Variants in FAM174C observed in about 807,000 individuals in gnomAD.
FAM174C encodes the protein family with sequence similarity 174 member C, also known as protein FAM174C.
FAM174C carries 19 observed loss-of-function variants against 12.3 expected under a neutral mutation model. The ratio of observed to expected loss-of-function variants is 1.55; its 90% CI spans 1.08 to 2.27. The LOEUF (loss-of-function observed/expected upper bound fraction) is 2.27. FAM174C is among the 30% of genes most tolerant of loss of function. The probability of loss-of-function intolerance (pLI) is 0.00; values close to 1 mark genes in which losing one functional copy is unlikely to be tolerated. For synonymous variants in FAM174C, 147 were observed against 103.5 expected (o/e 1.42, Z -2.55); for missense variants, 239 against 190.2 (o/e 1.26, Z -1.51).
intron 2 of FAM174C, 84 bp from the exon 3 acceptor site, chr19:1,278,693 G>C: frequency 6.3e-7 from 1 of 1,580,332 alleles, no homozygotes; most frequent in Non-Finnish European, 8.6e-7. Context: ...CAGGCTGCCT[G>C]CCCCTGCCTG....
In FAM174C at chr19:1,277,554, TC is replaced by T. The variant is rs997622530; in HGVS notation, c.398+257del. ...GGCGCGATCCCAACTCACTGCAACC[TC>T]CGCCTCCGGGATTGAGGCGATTTTC... On this transcript the variant is annotated intron_variant, in intron 2 of 2. Transcript: ENST00000409293. Among the ~76,000 whole-genome samples, 11 of 152,202 alleles carry T rather than the reference TC, an allele frequency of 7.2e-5. No individual in the cohort carries two copies. In the East Asian group the frequency reaches 1.9e-3, roughly 27 times the overall value.
rs370611692 is a variant in FAM174C at position 1,275,917 on chromosome 19, C to CCCCTCCCTCCCT, written c.281+101_281+112dup. The CCCCTCCCTCCCT allele has an allele frequency of 2.0e-3, 2,239 of 1,142,652 alleles. 33 individuals carry two copies. In the African/African-American group the frequency reaches 0.033, roughly 17 times the overall value. 70.8% of individuals were successfully genotyped at this position (1,142,652 alleles called of 1,614,324 possible). A position where few individuals can be genotyped will look rare whatever the true frequency, so the allele number is the denominator to read the frequency against. The stretch of plus-strand genomic sequence containing the variant: ...GTCACGTGCCGGGCCGCGGGGTCCT[C>CCCCTCCCTCCCT]CCCTCCCTCCCTCCCTCCCTCCCTC... On this transcript the variant is annotated intron_variant, in intron 1 of 2. Transcript: ENST00000409293.
At chr19:1,278,726 C>T in intron 2 of FAM174C, 51 bp from the exon 3 acceptor site, 2 of 1,607,298 alleles carry the variant, frequency 1.2e-6, no homozygotes, top group Non-Finnish European at 1.7e-6. Flanking sequence ...CTCTGCCCGG[C>T]AGGGCGGGCC....
rs1396988797 is a variant in FAM174C, at chr19:1,277,180, C to T, written c.282-3C>T. 3.3e-6 allele frequency: 5 copies of T among 1,536,622 alleles called. No individual in the cohort carries two copies. The highest frequency in any genetic ancestry group is 2.5e-5 in the East Asian group (1 of 40,458). On this transcript the variant is annotated splice_polypyrimidine_tract_variant and splice_region_variant and intron_variant, in intron 1 of 2. Transcript: ENST00000409293. Reference sequence around the variant, plus strand: ...CACTGACTATGCCTGGACCTACTTCCAGGTTGAAGAAGCCTCAGCGGAGGC... The same window carrying T: ...CACTGACTATGCCTGGACCTACTTCTAGGTTGAAGAAGCCTCAGCGGAGGC...
At chr19:1,277,364 C>G in intron 2 of FAM174C, 65 bp downstream of exon 2, 2 of 1,510,688 alleles carry the variant, frequency 1.3e-6, no homozygotes, top group Non-Finnish European at 1.8e-6. Flanking sequence ...CAGCAGGACC[C>G]TGGGGACTTG....
rs774861186 is a variant in FAM174C, at chr19:1,278,799, C to T, written c.*22C>T. On this transcript the variant is annotated 3_prime_UTR_variant, in exon 3 of 3. Transcript: ENST00000409293. ...CAGATGCTGAGCCAGGGAGGCGGCC[C>T]TTCCAGCAGCCATGAGGGAAGGACA... 1.6e-5 allele frequency: 25 copies of T among 1,612,826 alleles called. No homozygotes were observed. Among genetic ancestry groups the T allele is most frequent in the Non-Finnish European group, 2.0e-5 (24 of 1,179,884 alleles).
chr19:1,276,179 G>A (rs1034630371), intron 1 of FAM174C: 10 of 294,398 alleles, frequency 3.4e-5, no homozygotes, highest in African/African-American at 2.2e-4. Flanking sequence ...TTGGCTCCTT[G>A]TCGCCGGATG....
At chr19:1,276,943 G>A in intron 1 of FAM174C, 1 of 423,796 alleles carries the variant, frequency 2.4e-6, no homozygotes, top group Non-Finnish European at 4.0e-6. Context: ...CTCTCCTGGG[G>A]TCCTGGCGCA....
intron 1 of FAM174C, chr19:1,276,524 A>G (rs1018197384): frequency 6.6e-6 from 1 of 152,286 alleles, no homozygotes; most frequent in African/African-American, 2.4e-5. Flanking sequence ...ATCCCTCCCC[A>G]TCACCACCCT....
At chr19:1,278,718 C>T (rs1256838443) in intron 2 of FAM174C, 59 bp from the exon 3 acceptor site, 1 of 1,603,736 alleles carries the variant, frequency 6.2e-7, no homozygotes. Context: ...GGGTGAGCCT[C>T]TGCCCGGCAG....
chr19:1,279,212 G>A lies in FAM174C; in HGVS notation c.*435G>A, dbSNP rs373336328. ...TCTCGCCGGGCTGGGAACAATAAATGCAGCCATGTCTCTGCAGCTGGTGCT... is the reference window on the plus strand; with the variant it reads ...TCTCGCCGGGCTGGGAACAATAAATACAGCCATGTCTCTGCAGCTGGTGCT... On this transcript the variant is annotated 3_prime_UTR_variant, in exon 3 of 3. Coordinates refer to ENST00000409293, the MANE Select transcript of FAM174C (RefSeq NM_017914.4). 148 of 1,607,020 alleles carry A rather than the reference G, an allele frequency of 9.2e-5. No homozygotes were observed. Among genetic ancestry groups the A allele is most frequent in the Admixed American group, 1.7e-4 (10 of 59,680 alleles).
Position 1,275,605 on chromosome 19 carries a change from T to G in FAM174C, c.56T>G (p.Leu19Arg), listed in dbSNP as rs2081408182. ...PLLLLLLALLLAALPCGAEEA... is the reference protein window; with the variant it reads ...PLLLLLLALLRAALPCGAEEA... The stretch of plus-strand genomic sequence containing the variant: ...CTGCTGCTCCTGCTGGCGCTGCTGC[T>G]GGCGGCGCTGCCGTGCGGTGCCGAA... The change falls in exon 1 of 3, where the codon CTG becomes CGG. Residue 19 changes from leucine (L) to arginine (R), a missense_variant. By Grantham distance (102) the Leu-to-Arg change is moderately radical. Coordinates refer to ENST00000409293, the MANE Select transcript of FAM174C (RefSeq NM_017914.4). 2.4e-6 allele frequency: 3 copies of G among 1,252,708 alleles called. No homozygotes were observed. Among genetic ancestry groups the G allele is most frequent in the Non-Finnish European group, 3.0e-6 (3 of 1,001,856 alleles). The allele number at this position is 1,252,708 out of a possible 1,614,324, so 77.6% of individuals were successfully genotyped here. A position where few individuals can be genotyped will look rare whatever the true frequency, so the allele number is the denominator to read the frequency against.
Position 1,275,582 on chromosome 19 carries a change from G to GCTGCTC in FAM174C, c.39_44dup (p.Leu14_Leu15dup), listed in dbSNP as rs1476800193. The GCTGCTC allele has an allele frequency of 1.0e-4, 126 of 1,235,708 alleles. 1 individual carries two copies. In the East Asian group the frequency reaches 4.1e-3, roughly 40 times the overall value. The allele number at this position is 1,235,708 out of a possible 1,614,324, so 76.5% of individuals were successfully genotyped here. On this transcript the variant is annotated inframe_insertion, in exon 1 of 3. Transcript: ENST00000409293. ...CGCGCGTGCTGCAGCCGCCGCTGCT[G>GCTGCTC]CTGCTCCTGCTGGCGCTGCTGCTGG... is the stretch of plus-strand genomic sequence containing the variant.
At position 1,279,224 on chromosome 19, in the gene FAM174C, C is replaced by T; in HGVS notation, c.*447C>T. On this transcript the variant is annotated 3_prime_UTR_variant, in exon 3 of 3. Coordinates refer to ENST00000409293, the MANE Select transcript of FAM174C (RefSeq NM_017914.4). Reference sequence around the variant, plus strand: ...GGGAACAATAAATGCAGCCATGTCTCTGCAGCTGGTGCTGACCCCATGCCA... The same window carrying T: ...GGGAACAATAAATGCAGCCATGTCTTTGCAGCTGGTGCTGACCCCATGCCA... 1.9e-6 allele frequency: 3 copies of T among 1,600,012 alleles called. No individual in the cohort carries two copies. Among genetic ancestry groups the T allele is most frequent in the East Asian group, 2.2e-5 (1 of 44,832 alleles).
rs1259752303 is a variant in FAM174C at position 1,277,192 on chromosome 19, G to A, written c.291G>A (p.Lys97=). 7 of 1,539,658 alleles carry A rather than the reference G, an allele frequency of 4.5e-6. No homozygotes were observed. The highest frequency in any genetic ancestry group is 6.2e-6 in the Non-Finnish European group (7 of 1,137,740). The change falls in exon 2 of 3, where the codon AAG becomes AAA. Residue 97 remains lysine (K), a synonymous_variant. Coordinates refer to ENST00000409293, the MANE Select transcript of FAM174C (RefSeq NM_017914.4). The stretch of plus-strand genomic sequence containing the variant: ...CTGGACCTACTTCCAGGTTGAAGAA[G>A]CCTCAGCGGAGGCGATACGGCCTCC... ...YFLIRAFRLK[K]PQRRRYGLLA...
In FAM174C at chr19:1,275,652, G is replaced by C; in HGVS notation, c.103G>C (p.Ala35Pro). 2.8e-6 allele frequency: 4 copies of C among 1,408,340 alleles called. No homozygotes were observed. Among genetic ancestry groups the C allele is most frequent in the Non-Finnish European group, 3.7e-6 (4 of 1,094,666 alleles). The allele number at this position is 1,408,340 out of a possible 1,614,324, so 87.2% of individuals were successfully genotyped here. ...GAEEASPLRP[A>P]QVTLSPPPAV... ...CGAAGAGGCCTCGCCGCTGCGCCCC[G>C]CGCAGGTCACGTTGTCGCCGCCGCC... Residue 35 changes from alanine to proline, a missense_variant, in exon 1 of 3, where the codon GCG becomes CCG. Ala to Pro is a conservative substitution (Grantham distance 27). Coordinates refer to ENST00000409293, the MANE Select transcript of FAM174C (RefSeq NM_017914.4).
At chr19:1,278,184 A>G (rs1051418180) in intron 2 of FAM174C, among the ~76,000 whole-genome samples, 1 of 152,296 alleles carries the variant, frequency 6.6e-6, no homozygotes, top group Non-Finnish European at 1.5e-5. Flanking sequence ...AACTGACTGC[A>G]GGATGCTTCT....
intron 1 of FAM174C, chr19:1,276,505 G>A (rs1333112628): frequency 6.6e-6 from 1 of 152,484 alleles, no homozygotes; most frequent in Non-Finnish European, 1.5e-5. Flanking sequence ...GAGACACAGC[G>A]AGGACCTTAT....
Position 1,275,609 on chromosome 19 carries a change from GGCGCTGCCGT to G in FAM174C, c.64_73del (p.Leu22ValfsTer21), listed in dbSNP as rs1400203001. The G allele has an allele frequency of 1.7e-5, 21 of 1,253,998 alleles. No individual in the cohort carries two copies. Among genetic ancestry groups the G allele is most frequent in the African/African-American group, 6.3e-5 (4 of 63,962 alleles). 77.7% of individuals were successfully genotyped at this position (1,253,998 alleles called of 1,614,324 possible). On this transcript the variant is annotated frameshift_variant, in exon 1 of 3. Transcript: ENST00000409293. LOFTEE classifies it high-confidence loss of function. Reference sequence around the variant, plus strand: ...TGCTCCTGCTGGCGCTGCTGCTGGCGGCGCTGCCGTGCGGTGCCGAAGAGGCCTCGCCGCT... The same window carrying G: ...TGCTCCTGCTGGCGCTGCTGCTGGCGGCGGTGCCGAAGAGGCCTCGCCGCT...
Sources: gnomAD v4.1 joint callset for allele counts (sites outside exome capture counted in the v4.1 genomes callset) on GRCh38, gnomAD v4.1.1 for gene constraint, MANE v1.5 for transcripts, NCBI Gene and HGNC (gene_info 2026-07-23, HGNC 2026-07-21) for gene names.